Variants in PLXNA4 observed in about 807,000 individuals in gnomAD.
PLXNA4 encodes plexin A4, also known as plexin-A4.
In PLXNA4, 44 loss-of-function variants were observed where a neutral mutation model predicts 191.8. The ratio of observed to expected loss-of-function variants is 0.23; its 90% confidence interval spans 0.18 to 0.29. The LOEUF is 0.29. Among genes scored for constraint, PLXNA4 ranks in the 10% least tolerant of loss-of-function variants. The probability of loss-of-function intolerance (pLI) is 1.00; values close to 1 mark genes in which losing one functional copy is unlikely to be tolerated. For missense variants in PLXNA4, 1,800 were observed against 2,488.8 expected (o/e 0.72, Z 5.89); for synonymous variants, 1,082 against 1,009.5 (o/e 1.07, Z -1.36).
chr7:132,279,338 G>T (rs1180712097), intron 4 of PLXNA4, among the ~76,000 whole-genome samples: 1 of 152,106 alleles, frequency 6.6e-6, no homozygotes, highest in Non-Finnish European at 1.5e-5. Flanking sequence ...GCATTGATCT[G>T]CTCTACACAT....
chr7:132,133,588 C>T (rs1321050606), intron 30 of PLXNA4, among the ~76,000 whole-genome samples: 1 of 152,048 alleles, frequency 6.6e-6, no homozygotes, highest in East Asian at 1.9e-4. Flanking sequence ...CCAGCAGGGC[C>T]CGAAGGCTCT....
chr7:132,614,461 C>A (rs16874245), intron 2 of PLXNA4, among the ~76,000 whole-genome samples: 2 of 152,178 alleles, frequency 1.3e-5, no homozygotes, highest in African/African-American at 4.8e-5. Context: ...AGCGGGTGAA[C>A]TTGGAACAAG....
At chr7:132,241,717 CTG>C (rs1260006384) in intron 4 of PLXNA4, among the ~76,000 whole-genome samples, 2 of 152,202 alleles carry the variant, frequency 1.3e-5, no homozygotes, top group African/African-American at 4.8e-5. Context: ...TAAGCTCACT[CTG>C]TAGCTGTTAC....
At chr7:132,251,077 G>A (rs1799232710) in intron 4 of PLXNA4, among the ~76,000 whole-genome samples, 1 of 127,654 alleles carries the variant, frequency 7.8e-6, no homozygotes. Context: ...TTGACTCTGT[G>A]TACATTGGGT....
chr7:132,583,941 C>T (rs192298762), intron 2 of PLXNA4, among the ~76,000 whole-genome samples: 2 of 152,300 alleles, frequency 1.3e-5, no homozygotes, highest in East Asian at 1.9e-4. Context: ...CTGCAACCAG[C>T]GATGCCAGGC....
intron 3 of PLXNA4, among the ~76,000 whole-genome samples, chr7:132,357,827 C>T (rs550610263): frequency 2.6e-5 from 4 of 152,280 alleles, no homozygotes; most frequent in African/African-American, 7.2e-5. Context: ...TAGATTTGTG[C>T]GTACACCTGG....
At chr7:132,476,640 C>A (rs1797140603) in intron 3 of PLXNA4, among the ~76,000 whole-genome samples, 1 of 152,076 alleles carries the variant, frequency 6.6e-6, no homozygotes. Flanking sequence ...CTGCCTGTGT[C>A]CAGAGTGAAT....
chr7:132,463,946 T>C (rs1796607058), intron 3 of PLXNA4, among the ~76,000 whole-genome samples: 1 of 152,048 alleles, frequency 6.6e-6, no homozygotes, highest in Non-Finnish European at 1.5e-5. Flanking sequence ...CATCTCAGGG[T>C]CCCAAGTACT....
At chr7:132,344,553 G>A (rs1803167839) in intron 3 of PLXNA4, among the ~76,000 whole-genome samples, 1 of 151,654 alleles carries the variant, frequency 6.6e-6, no homozygotes, top group African/African-American at 2.4e-5. Context: ...GTCCAATGAG[G>A]GCCAGCATCC....
intron 2 of PLXNA4, among the ~76,000 whole-genome samples, chr7:132,643,740 G>C (rs1208539656): frequency 6.6e-6 from 1 of 152,094 alleles, no homozygotes; most frequent in African/African-American, 2.4e-5. Context: ...TTTGAGGACA[G>C]GAGTTCAAGA....
intron 3 of PLXNA4, among the ~76,000 whole-genome samples, chr7:132,332,833 A>G (rs917767009): frequency 6.6e-6 from 1 of 150,944 alleles, no homozygotes; most frequent in African/African-American, 2.4e-5. Context: ...GTACTCCAAC[A>G]TGGGTGACAG....
intron 4 of PLXNA4, among the ~76,000 whole-genome samples, chr7:132,285,278 G>A (rs1414742435): frequency 7.2e-5 from 11 of 152,208 alleles, no homozygotes; most frequent in Admixed American, 5.2e-4. Context: ...GCCAGAATCC[G>A]GAAGCAGAGC....
chr7:132,565,671 G>A (rs1157069376), intron 1 of PLXNA4, among the ~76,000 whole-genome samples: 1 of 152,154 alleles, frequency 6.6e-6, no homozygotes, highest in Non-Finnish European at 1.5e-5. Flanking sequence ...AGAATGCCAT[G>A]AATAGTCCCC....
intron 2 of PLXNA4, among the ~76,000 whole-genome samples, chr7:132,635,062 A>C (rs1176547618): frequency 6.6e-6 from 1 of 151,856 alleles, no homozygotes; most frequent in Non-Finnish European, 1.5e-5. Context: ...ACTGGACTCC[A>C]AGCTCTTCAG....
intron 14 of PLXNA4, among the ~76,000 whole-genome samples, 162 bp downstream of exon 14, chr7:132,193,900 T>TGGAAGACTTCAAA (rs1797169727): frequency 6.6e-6 from 1 of 152,224 alleles, no homozygotes; most frequent in South Asian, 2.1e-4. Flanking sequence ...CTTCAAAGGC[T>TGGAAGACTTCAAA]GTGCTCTCAC....
intron 3 of PLXNA4, among the ~76,000 whole-genome samples, chr7:132,401,139 TG>T (rs1400559868): frequency 6.6e-6 from 1 of 152,206 alleles, no homozygotes. Context: ...TGCAAAAAAC[TG>T]GTGAAATCTG....
chr7:132,235,211 C>T (rs1020418603), intron 5 of PLXNA4, among the ~76,000 whole-genome samples: 15 of 152,194 alleles, frequency 9.9e-5, no homozygotes, highest in African/African-American at 2.9e-4. Flanking sequence ...CTCCCACAGT[C>T]GAGGCCCTTT....
chr7:132,450,373 G>T (rs531367381), intron 3 of PLXNA4, among the ~76,000 whole-genome samples: 39 of 152,322 alleles, frequency 2.6e-4, no homozygotes, highest in African/African-American at 9.1e-4. Context: ...GAAGCAGGTA[G>T]GTCTTTGCTC....
chr7:132,241,733 C>T (rs931609734), intron 4 of PLXNA4, among the ~76,000 whole-genome samples: 2 of 152,146 alleles, frequency 1.3e-5, no homozygotes, highest in Non-Finnish European at 1.5e-5. Context: ...CTGTTACTTG[C>T]CCGCTCTTTC....
Sources: gnomAD v4.1 joint callset for allele counts (sites outside exome capture counted in the v4.1 genomes callset) on GRCh38, gnomAD v4.1.1 for gene constraint, MANE v1.5 for transcripts, NCBI Gene and HGNC (gene_info 2026-07-23, HGNC 2026-07-21) for gene names.